RAB15: variants seen among roughly 807,000 people sequenced by gnomAD.
RAB15 encodes ras-related protein Rab-15.
In RAB15, 13 loss-of-function variants were observed where a neutral mutation model predicts 31.8. The ratio of observed to expected loss-of-function variants is 0.41; its 90% CI spans 0.27 to 0.65. The LOEUF (loss-of-function observed/expected upper bound fraction) is 0.65. Ranked by LOEUF, RAB15 falls within the 30% of genes least tolerant of loss-of-function variation. RAB15 has a pLI of 0.32. For missense variants in RAB15, 220 were observed against 277.3 expected (o/e 0.79, Z 1.47); for synonymous variants, 100 against 105.6 (o/e 0.95, Z 0.33).
intron 1 of RAB15, among the ~76,000 whole-genome samples, chr14:64,957,326 G>T (rs1291927980): frequency 6.6e-6 from 1 of 152,114 alleles, no homozygotes; most frequent in Non-Finnish European, 1.5e-5. Context: ...CACTGACAGC[G>T]TAGTCCTCTC....
intron 1 of RAB15, among the ~76,000 whole-genome samples, chr14:64,963,456 C>T (rs1258285852): frequency 6.6e-6 from 1 of 152,056 alleles, no homozygotes; most frequent in Non-Finnish European, 1.5e-5. Flanking sequence ...AACTGGGTCT[C>T]GCCTCCCTAA....
At chr14:64,964,840 G>T (rs1887047565) in intron 1 of RAB15, among the ~76,000 whole-genome samples, 2 of 152,234 alleles carry the variant, frequency 1.3e-5, no homozygotes, top group South Asian at 4.1e-4. Flanking sequence ...CTCCCAAAGT[G>T]CTGGGATTAC....
Position 64,945,868 on chromosome 14 carries a change from C to T in RAB15, c.*2486G>A, listed in dbSNP as rs185920751. 9 of 152,656 alleles carry T rather than the reference C, an allele frequency of 5.9e-5. No individual in the cohort carries two copies. The East Asian group carries it at 1.7e-3, about 29-fold the overall frequency. 9.5% of individuals were successfully genotyped at this position (152,656 alleles called of 1,614,324 possible). On this transcript the variant is annotated 3_prime_UTR_variant, in exon 7 of 7. Transcript: ENST00000533601. ...ACATCTGTGTTTAAAATAGATGAACCCTGCTCACAATTCATATATGGACCC... is the reference window on the plus strand; with the variant it reads ...ACATCTGTGTTTAAAATAGATGAACTCTGCTCACAATTCATATATGGACCC...
At chr14:64,967,306 T>C (rs1177788315) in intron 1 of RAB15, among the ~76,000 whole-genome samples, 1 of 152,142 alleles carries the variant, frequency 6.6e-6, no homozygotes, top group African/African-American at 2.4e-5. Context: ...AACCAACTCC[T>C]GAGGGAGTGA....
rs561441117 is a variant in RAB15, at chr14:64,946,826, G to A, written c.*1528C>T. ...TCCTAGGCCTCGCCCACCTTGGGACGGTGGGCAGGAACCCCAGTAGAACTG... is the reference window on the plus strand; with the variant it reads ...TCCTAGGCCTCGCCCACCTTGGGACAGTGGGCAGGAACCCCAGTAGAACTG... On this transcript the variant is annotated 3_prime_UTR_variant, in exon 7 of 7. Transcript: ENST00000533601. The A allele has an allele frequency of 2.2e-4, 33 of 152,036 alleles. No homozygotes were observed. The highest frequency in any genetic ancestry group is 1.9e-3 in the Admixed American group (29 of 15,268). The allele number at this position is 152,036 out of a possible 1,614,324, so 9.4% of individuals were successfully genotyped here.
chr14:64,951,176 T>C lies in RAB15; in HGVS notation c.247-25A>G. 1 of 1,520,310 alleles carries C rather than the reference T, an allele frequency of 6.6e-7. No homozygotes were observed. Among genetic ancestry groups the C allele is most frequent in the Non-Finnish European group, 9.1e-7 (1 of 1,098,698 alleles). The allele number at this position is 1,520,310 out of a possible 1,614,324, so 94.2% of individuals were successfully genotyped here. On this transcript the variant is annotated intron_variant, in intron 3 of 6. Coordinates refer to ENST00000533601, the MANE Select transcript of RAB15 (RefSeq NM_001308154.2). This position sits in a 1 kb window ranked among gnomAD's most constrained non-coding sequence, Gnocchi z 7.2. ...CCTGAGAGAGAGAGAAATAGAGAGA[T>C]GTGATATGCACAGAGAGAGTGCAGT...
At chr14:64,965,238 AG>A (rs1887068961) in intron 1 of RAB15, among the ~76,000 whole-genome samples, 7 of 151,920 alleles carry the variant, frequency 4.6e-5, no homozygotes, top group Non-Finnish European at 7.4e-5. Context: ...TGGGTGGATC[AG>A]CTGAGGTCAG....
At position 64,971,254 on chromosome 14, in the gene RAB15, G is replaced by C. The variant is rs549287264; in HGVS notation, c.124+699C>G. ...CTAACCACAGGCTCCAGCACTGCCA[G>C]ATGAGAGATGCCCTCAGGCGGGTCC... On this transcript the variant is annotated intron_variant, in intron 1 of 6. Coordinates refer to ENST00000533601, the MANE Select transcript of RAB15 (RefSeq NM_001308154.2). This position sits in a 1 kb window ranked among gnomAD's most constrained non-coding sequence, Gnocchi z 4.1. Among the ~76,000 whole-genome samples the C allele has an allele frequency of 6.6e-6, 1 of 152,348 alleles. No individual in the cohort carries two copies. The highest frequency in any genetic ancestry group is 6.5e-5 in the Admixed American group (1 of 15,306).
rs982534420 is a variant in RAB15, at chr14:64,968,374, G to C, written c.124+3579C>G. ...CTGAGGCCTAGCTTCAGCCTTCCCT[G>C]CCGGTTCTAGTCCACAGGGGCCTCT... On this transcript the variant is annotated intron_variant, in intron 1 of 6. Transcript: ENST00000533601. This position sits in a 1 kb window ranked among gnomAD's most constrained non-coding sequence, Gnocchi z 4.9. Among the ~76,000 whole-genome samples, 1 of 152,136 alleles carries C rather than the reference G, an allele frequency of 6.6e-6. No homozygotes were observed. The highest frequency in any genetic ancestry group is 1.5e-5 in the Non-Finnish European group (1 of 68,024).
At position 64,954,521 on chromosome 14, in the gene RAB15, AGAG is replaced by A. The variant is rs1886432659; in HGVS notation, c.125-1953_125-1951del. 1 of 985,344 alleles carries A rather than the reference AGAG, an allele frequency of 1.0e-6. No individual in the cohort carries two copies. The highest frequency in any genetic ancestry group is 1.7e-5 in the African/African-American group (1 of 57,250). The allele number at this position is 985,344 out of a possible 1,614,324, so 61.0% of individuals were successfully genotyped here. A position where few individuals can be genotyped will look rare whatever the true frequency, so the allele number is the denominator to read the frequency against. Reference sequence around the variant, plus strand: ...AAGCCATCACAAGGGGGACAGGAAGAGAGAAGGTTTTATTTCCTTTATCCCACA... The same window carrying A: ...AAGCCATCACAAGGGGGACAGGAAGAAAGGTTTTATTTCCTTTATCCCACA... On this transcript the variant is annotated intron_variant, in intron 1 of 6. Transcript: ENST00000533601. The surrounding 1 kb of genome is among the most constrained non-coding windows in gnomAD (Gnocchi z 4.3).
At chr14:64,965,134 G>C (rs116441487) in intron 1 of RAB15, among the ~76,000 whole-genome samples, 1,898 of 152,186 alleles carry the variant, frequency 0.012, 45 homozygotes, top group African/African-American at 0.04. Context: ...TTTTTGTTTT[G>C]TTTTCTTTTC....
rs1886922204 is a variant in RAB15 at position 64,962,661 on chromosome 14, G to A, written c.124+9292C>T. 6.6e-6 allele frequency among the ~76,000 whole-genome samples: 1 copy of A among 152,176 alleles called. No homozygotes were observed. Among genetic ancestry groups the A allele is most frequent in the Non-Finnish European group, 1.5e-5 (1 of 68,034 alleles). On this transcript the variant is annotated intron_variant, in intron 1 of 6. Coordinates refer to ENST00000533601, the MANE Select transcript of RAB15 (RefSeq NM_001308154.2). The surrounding 1 kb of genome is among the most constrained non-coding windows in gnomAD (Gnocchi z 4.2). ...CCAGCAGGGAGATCCAAAGAATCAG[G>A]TAGAGGAAGCAGCAAAGATCCTGTG...
At chr14:64,956,034 A>G (rs1012429820) in intron 1 of RAB15, among the ~76,000 whole-genome samples, 1 of 152,206 alleles carries the variant, frequency 6.6e-6, no homozygotes, top group Non-Finnish European at 1.5e-5. Context: ...CTGTCCACAT[A>G]TCGCCTGAGT....
chr14:64,965,134 G>GTTTTC (rs894748257), intron 1 of RAB15, among the ~76,000 whole-genome samples: 5 of 152,074 alleles, frequency 3.3e-5, no homozygotes, highest in Admixed American at 3.3e-4. Context: ...TTTTTGTTTT[G>GTTTTC]TTTTCTTTTC....
At position 64,946,228 on chromosome 14, in the gene RAB15, G is replaced by A. The variant is rs998503261; in HGVS notation, c.*2126C>T. The A allele has an allele frequency of 7.2e-5, 11 of 152,130 alleles. No homozygotes were observed. The highest frequency in any genetic ancestry group is 2.7e-4 in the African/African-American group (11 of 41,410). The allele number at this position is 152,130 out of a possible 1,614,324, so 9.4% of individuals were successfully genotyped here. A position where few individuals can be genotyped will look rare whatever the true frequency, so the allele number is the denominator to read the frequency against. ...ACCCCTAGGGTACAGTACAAATATA[G>A]TCCTTCTTTCCTGAGGGGGCTAGGA... On this transcript the variant is annotated 3_prime_UTR_variant, in exon 7 of 7. Coordinates refer to ENST00000533601, the MANE Select transcript of RAB15 (RefSeq NM_001308154.2).
At position 64,952,439 on chromosome 14, in the gene RAB15, T is replaced by G; in HGVS notation, c.185+72A>C. ...AGGTGAAGCCTAGGAATTTTACACATGGCAGGGGCAGCTAAGGAGCAGCCA... is the reference window on the plus strand; with the variant it reads ...AGGTGAAGCCTAGGAATTTTACACAGGGCAGGGGCAGCTAAGGAGCAGCCA... On this transcript the variant is annotated intron_variant, in intron 2 of 6. Transcript: ENST00000533601. The surrounding 1 kb of genome is among the most constrained non-coding windows in gnomAD (Gnocchi z 4.2). 1 of 1,162,666 alleles carries G rather than the reference T, an allele frequency of 8.6e-7. No individual in the cohort carries two copies. The highest frequency in any genetic ancestry group is 1.3e-6 in the Non-Finnish European group (1 of 778,720). The allele number at this position is 1,162,666 out of a possible 1,614,324, so 72.0% of individuals were successfully genotyped here.
At position 64,970,513 on chromosome 14, in the gene RAB15, C is replaced by T. The variant is rs946950536; in HGVS notation, c.124+1440G>A. Reference sequence around the variant, plus strand: ...GACGGACAAGTTCTGTTCCCTGACCCTAAGTCCTGTTGTTTCACCCTTCAA... The same window carrying T: ...GACGGACAAGTTCTGTTCCCTGACCTTAAGTCCTGTTGTTTCACCCTTCAA... On this transcript the variant is annotated intron_variant, in intron 1 of 6. Coordinates refer to ENST00000533601, the MANE Select transcript of RAB15 (RefSeq NM_001308154.2). This position sits in a 1 kb window ranked among gnomAD's most constrained non-coding sequence, Gnocchi z 4.1. 6.6e-6 allele frequency among the ~76,000 whole-genome samples: 1 copy of T among 152,222 alleles called. No homozygotes were observed. The highest frequency in any genetic ancestry group is 2.4e-5 in the African/African-American group (1 of 41,458).
rs182928603 is a variant in RAB15 at position 64,968,890 on chromosome 14, A to C, written c.124+3063T>G. Reference sequence around the variant, plus strand: ...TCTGCTGGCCAGAAAGACGAAAAGGATAGGGGGAGGGACAGTCAGTGTCTC... The same window carrying C: ...TCTGCTGGCCAGAAAGACGAAAAGGCTAGGGGGAGGGACAGTCAGTGTCTC... On this transcript the variant is annotated intron_variant, in intron 1 of 6. Coordinates refer to ENST00000533601, the MANE Select transcript of RAB15 (RefSeq NM_001308154.2). The surrounding 1 kb of genome is among the most constrained non-coding windows in gnomAD (Gnocchi z 4.9). Among the ~76,000 whole-genome samples the C allele has an allele frequency of 6.6e-6, 1 of 152,312 alleles. No homozygotes were observed. The highest frequency in any genetic ancestry group is 6.5e-5 in the Admixed American group (1 of 15,300).
In RAB15 at chr14:64,952,277, G is replaced by T. The variant is rs1439671578; in HGVS notation, c.185+234C>A. On this transcript the variant is annotated intron_variant, in intron 2 of 6. Transcript: ENST00000533601. The surrounding 1 kb of genome is among the most constrained non-coding windows in gnomAD (Gnocchi z 4.2). ...TAAATTCACAATGGTTAGTGTGCCA[G>T]TTCCTTCTAATTCCTGCCCTTTGGT... 1.3e-5 allele frequency among the ~76,000 whole-genome samples: 2 copies of T among 152,232 alleles called. No individual in the cohort carries two copies. The highest frequency in any genetic ancestry group is 2.9e-5 in the Non-Finnish European group (2 of 68,042).
Sources: gnomAD v4.1 joint callset for allele counts (sites outside exome capture counted in the v4.1 genomes callset) on GRCh38, gnomAD v4.1.1 for gene constraint, Gnocchi (gnomAD v3.1) non-coding constraint, MANE v1.5 for transcripts, NCBI Gene and HGNC (gene_info 2026-07-23, HGNC 2026-07-21) for gene names.